The following XYLT1 variants were observed in gnomAD, a reference collection of about 807,000 sequenced individuals.
XYLT1 encodes the protein beta-D-xylosyltransferase 1.
XYLT1 carries 36 observed loss-of-function variants against 91.3 expected under a neutral mutation model. That is an observed-to-expected ratio of 0.39 (90% CI 0.30 to 0.52). The LOEUF (loss-of-function observed/expected upper bound fraction) is 0.52, where lower values mean the gene tolerates loss of function less well. Ranked by LOEUF, XYLT1 falls within the 20% of genes least tolerant of loss-of-function variation. The probability of loss-of-function intolerance (pLI) is 0.68; values close to 1 mark genes in which losing one functional copy is unlikely to be tolerated. For missense variants in XYLT1, 1,242 were observed against 1,284.5 expected (o/e 0.97, Z 0.51); for synonymous variants, 588 against 532.0 (o/e 1.11, Z -1.45).
intron 1 of XYLT1, among the ~76,000 whole-genome samples, chr16:17,418,162 G>A (rs527386227): frequency 6.6e-6 from 1 of 152,176 alleles, no homozygotes; most frequent in Non-Finnish European, 1.5e-5. Context: ...TTACGTTAGA[G>A]AACTATTTGT....
intron 2 of XYLT1, among the ~76,000 whole-genome samples, chr16:17,286,753 T>C (rs983349730): frequency 6.6e-5 from 10 of 152,212 alleles, no homozygotes; most frequent in African/African-American, 2.4e-4. Flanking sequence ...CCAGGTAATC[T>C]GCCACCTTCA....
At chr16:17,340,347 C>T (rs117292023) in intron 2 of XYLT1, among the ~76,000 whole-genome samples, 4,046 of 152,312 alleles carry the variant, frequency 0.027, 255 homozygotes, top group Admixed American at 0.14. Flanking sequence ...GCCTGCAGCT[C>T]AGCTGTCTTT....
At chr16:17,402,344 A>T (rs1050308507) in intron 1 of XYLT1, among the ~76,000 whole-genome samples, 9 of 152,046 alleles carry the variant, frequency 5.9e-5, no homozygotes, top group Non-Finnish European at 1.2e-4. Context: ...AAAAGGGTTT[A>T]CAAAGCACTA....
At chr16:17,459,955 C>T (rs991189876) in intron 1 of XYLT1, among the ~76,000 whole-genome samples, 3 of 152,212 alleles carry the variant, frequency 2.0e-5, no homozygotes, top group African/African-American at 7.2e-5. Flanking sequence ...AACACTCCCA[C>T]ATTGTGCTGC....
At chr16:17,457,669 C>A (rs2036762634) in intron 1 of XYLT1, among the ~76,000 whole-genome samples, 1 of 152,208 alleles carries the variant, frequency 6.6e-6, no homozygotes, top group South Asian at 2.1e-4. Context: ...CATTTTACAT[C>A]CACAACAGAA....
At chr16:17,412,758 C>A (rs72783525) in intron 1 of XYLT1, among the ~76,000 whole-genome samples, 6,661 of 152,274 alleles carry the variant, frequency 0.044, 195 homozygotes, top group Middle Eastern at 0.068. Context: ...GGAGACCTAA[C>A]AGAGATTTAC....
At chr16:17,269,448 A>T (rs1426701287) in intron 2 of XYLT1, among the ~76,000 whole-genome samples, 1 of 152,148 alleles carries the variant, frequency 6.6e-6, no homozygotes, top group African/African-American at 2.4e-5. Flanking sequence ...AAGTGCTGAG[A>T]TTACAAGCGT....
At chr16:17,331,717 C>T (rs2034901394) in intron 2 of XYLT1, among the ~76,000 whole-genome samples, 1 of 152,142 alleles carries the variant, frequency 6.6e-6, no homozygotes, top group Non-Finnish European at 1.5e-5. Context: ...AATGACTTAT[C>T]TCAGATTGAG....
At chr16:17,141,932 C>T (rs771292665) in intron 6 of XYLT1, among the ~76,000 whole-genome samples, 3 of 152,162 alleles carry the variant, frequency 2.0e-5, no homozygotes, top group African/African-American at 4.8e-5. Context: ...GAGACAGGGT[C>T]GTGTTCCGTT....
intron 2 of XYLT1, among the ~76,000 whole-genome samples, chr16:17,279,704 G>A (rs2034029634): frequency 6.6e-6 from 1 of 152,172 alleles, no homozygotes; most frequent in Admixed American, 6.5e-5. Flanking sequence ...GGTCATTGAT[G>A]GCTTCTGTCA....
At chr16:17,199,717 C>T (rs1038655945) in intron 4 of XYLT1, among the ~76,000 whole-genome samples, 16 of 152,286 alleles carry the variant, frequency 1.1e-4, no homozygotes, top group African/African-American at 3.9e-4. Context: ...TTGCTGCCGC[C>T]ATGTAAGACT....
chr16:17,247,410 G>T (rs2033456199), intron 3 of XYLT1, among the ~76,000 whole-genome samples: 1 of 152,184 alleles, frequency 6.6e-6, no homozygotes, highest in African/African-American at 2.4e-5. Context: ...TGCCATGGAA[G>T]CGAGTCTCCC....
chr16:17,462,345 G>C (rs2036834791), intron 1 of XYLT1, among the ~76,000 whole-genome samples: 1 of 152,112 alleles, frequency 6.6e-6, no homozygotes, highest in South Asian at 2.1e-4. Flanking sequence ...AGGGTGTCTG[G>C]GTTTGCAGTT....
chr16:17,133,222 A>G (rs912208104), intron 9 of XYLT1, among the ~76,000 whole-genome samples: 2 of 152,172 alleles, frequency 1.3e-5, no homozygotes, highest in Non-Finnish European at 2.9e-5. Flanking sequence ...ATGAGACACC[A>G]GGTGGGAAAC....
intron 3 of XYLT1, among the ~76,000 whole-genome samples, chr16:17,248,745 A>ATTT (rs1045404682): frequency 1.7e-4 from 22 of 127,010 alleles, no homozygotes; most frequent in South Asian, 1.6e-3. Context: ...TTACATGTGA[A>ATTT]TTTTTTTTTT....
intron 3 of XYLT1, among the ~76,000 whole-genome samples, chr16:17,257,410 G>A (rs539700279): frequency 6.6e-6 from 1 of 152,296 alleles, no homozygotes; most frequent in South Asian, 2.1e-4. Context: ...CCAACTCTTC[G>A]TGGGAAGGTG....
intron 5 of XYLT1, among the ~76,000 whole-genome samples, chr16:17,161,017 A>G (rs1363538959): frequency 6.6e-6 from 1 of 152,140 alleles, no homozygotes; most frequent in Non-Finnish European, 1.5e-5. Flanking sequence ...GGCAGTTGGA[A>G]TAATAAATAA....
chr16:17,117,886 C>T lies in XYLT1; in HGVS notation c.2317G>A (p.Gly773Arg), dbSNP rs2029899626. ...MDEPVGMQKW[G>R]KGPNVTVTVI... ...GTCACGGTCACATTAGGTCCCTTCC[C>T]CCACTTCTGCATACCCACCGGCTCA... Residue 773 changes from glycine (G) to arginine (R), a missense_variant, in exon 11 of 12, where the codon GGG becomes AGG. Transcript: ENST00000261381. The T allele has an allele frequency of 1.2e-6, 2 of 1,614,038 alleles. No homozygotes were observed. The highest frequency in any genetic ancestry group is 1.7e-6 in the Non-Finnish European group (2 of 1,179,988).
At chr16:17,461,755 T>A (rs895928529) in intron 1 of XYLT1, among the ~76,000 whole-genome samples, 2 of 152,152 alleles carry the variant, frequency 1.3e-5, no homozygotes, top group Admixed American at 6.5e-5. Flanking sequence ...CTGAACTGGG[T>A]AGACTGAGAA....
Sources: allele counts gnomAD v4.1 joint callset (sites outside exome capture counted in the v4.1 genomes callset), GRCh38; gene constraint gnomAD v4.1.1; transcripts MANE v1.5; gene names NCBI Gene and HGNC (gene_info 2026-07-23, HGNC 2026-07-21).